The following KSR2 variants were observed in gnomAD, a reference collection of about 807,000 sequenced individuals.
The protein encoded by KSR2 is kinase suppressor of ras 2.
KSR2 carries 25 observed loss-of-function variants against 107.8 expected under a neutral mutation model. That is an observed-to-expected ratio of 0.23 (90% confidence interval 0.17 to 0.32). The LOEUF (loss-of-function observed/expected upper bound fraction) is 0.32. Ranked by LOEUF, KSR2 falls within the 10% of genes least tolerant of loss-of-function variation. The probability of loss-of-function intolerance (pLI) is 1.00; values close to 1 mark genes in which losing one functional copy is unlikely to be tolerated. For synonymous variants in KSR2, 480 were observed against 507.0 expected, an observed-to-expected ratio of 0.95 and a Z score of 0.71; for missense variants, 887 against 1,268.9, an observed-to-expected ratio of 0.70 and a Z score of 4.57.
At chr12:117,692,531 CACAT>C (rs2136578586) in intron 4 of KSR2, among the ~76,000 whole-genome samples, 1 of 137,194 alleles carries the variant, frequency 7.3e-6, no homozygotes, top group East Asian at 2.2e-4. Context: ...TATACACACA[CACAT>C]ATATATACAC....
intron 6 of KSR2, among the ~76,000 whole-genome samples, chr12:117,581,876 G>C (rs916282579): frequency 2.2e-5 from 3 of 136,880 alleles, no homozygotes; most frequent in Non-Finnish European, 4.8e-5. Flanking sequence ...TGTTTATTAA[G>C]TGTTTGTTAT....
intron 1 of KSR2, among the ~76,000 whole-genome samples, chr12:117,948,093 AG>A (rs1317840280): frequency 1.3e-5 from 2 of 152,214 alleles, no homozygotes; most frequent in African/African-American, 4.8e-5. Flanking sequence ...AGAATAATAA[AG>A]GTGGAACTCA....
chr12:117,721,927 G>C (rs1056620289), intron 4 of KSR2, among the ~76,000 whole-genome samples: 4 of 152,124 alleles, frequency 2.6e-5, no homozygotes, highest in African/African-American at 9.7e-5. Flanking sequence ...TATGATAATG[G>C]AAATGTTTTA....
chr12:117,508,079 A>C (rs999048053), intron 14 of KSR2, among the ~76,000 whole-genome samples: 1 of 152,180 alleles, frequency 6.6e-6, no homozygotes, highest in African/African-American at 2.4e-5. Context: ...CTGCAGGAAA[A>C]GACAATTCTG....
intron 7 of KSR2, among the ~76,000 whole-genome samples, chr12:117,567,281 G>A (rs1330868355): frequency 1.3e-5 from 2 of 152,158 alleles, no homozygotes; most frequent in Non-Finnish European, 2.9e-5. Context: ...CAGCAGAGGT[G>A]TGCAAGAAAG....
At chr12:117,940,922 C>T (rs1895986609) in intron 1 of KSR2, among the ~76,000 whole-genome samples, 1 of 151,862 alleles carries the variant, frequency 6.6e-6, no homozygotes, top group Non-Finnish European at 1.5e-5. Flanking sequence ...CCCATCTCTA[C>T]TAAAAATACA....
In KSR2 at chr12:117,579,109, A is replaced by G; in HGVS notation, c.1325+10T>C. The G allele has an allele frequency of 6.2e-7, 1 of 1,608,972 alleles. No homozygotes were observed. Among genetic ancestry groups the G allele is most frequent in the Non-Finnish European group, 8.5e-7 (1 of 1,176,314 alleles). On this transcript the variant is annotated intron_variant, in intron 7 of 19. Transcript: ENST00000339824. ...GCTGCGAAAAGTCACTGCAGGGCAC[A>G]GTCACTTACTTGCAGTTTTTACACT...
intron 12 of KSR2, 105 bp from the exon 13 acceptor site, chr12:117,527,224 A>T: frequency 2.6e-6 from 2 of 779,896 alleles, no homozygotes; most frequent in Non-Finnish European, 4.4e-6. Context: ...CTTTACCACC[A>T]AGTCTTTATC....
At chr12:117,883,250 T>A (rs1432843597) in intron 1 of KSR2, among the ~76,000 whole-genome samples, 1 of 152,236 alleles carries the variant, frequency 6.6e-6, no homozygotes, top group Non-Finnish European at 1.5e-5. Context: ...TGCAGAACTG[T>A]TACATCCAAG....
At chr12:117,729,653 G>T (rs1427537476) in intron 4 of KSR2, among the ~76,000 whole-genome samples, 1 of 152,128 alleles carries the variant, frequency 6.6e-6, no homozygotes, top group Admixed American at 6.6e-5. Context: ...TGGGAAGGCT[G>T]CAAAAACCAT....
intron 5 of KSR2, among the ~76,000 whole-genome samples, chr12:117,619,160 T>C (rs1053999496): frequency 6.6e-6 from 1 of 152,080 alleles, no homozygotes; most frequent in African/African-American, 2.4e-5. Context: ...AATAGCTCTT[T>C]CCTGGCAACA....
At chr12:117,901,066 A>G in intron 1 of KSR2, among the ~76,000 whole-genome samples, 1 of 152,160 alleles carries the variant, frequency 6.6e-6, no homozygotes, top group East Asian at 1.9e-4. Flanking sequence ...GGAAGAGATT[A>G]GCATTGTGAC....
Position 117,667,585 on chromosome 12 carries a change from G to C in KSR2, c.1060C>G (p.Gln354Glu), listed in dbSNP as rs760273535. The change falls in exon 5 of 20, where the codon CAG (glutamine) becomes GAG (glutamate). Residue 354 changes from glutamine (Q) to glutamate (E), a missense_variant. By Grantham distance (29) the Gln-to-Glu change is conservative. Around this residue, in one of 8 missense-constraint regions of KSR2, gnomAD observed 399 missense variants for 479.5 expected, o/e 0.83. Coordinates refer to ENST00000339824, the MANE Select transcript of KSR2 (RefSeq NM_173598.6). The stretch of plus-strand genomic sequence containing the variant: ...TCGGACAGCAGCGGGGAGCGCTGCT[G>C]AGAGGGGATGTTCTCGCAGCTGCCT... Reference protein sequence around the residue: ...SVGSCENIPSQQRSPLLSERS... With the variant: ...SVGSCENIPSEQRSPLLSERS... The C allele has an allele frequency of 2.5e-6, 4 of 1,613,380 alleles. No homozygotes were observed. Among genetic ancestry groups the C allele is most frequent in the Non-Finnish European group, 3.4e-6 (4 of 1,179,684 alleles).
At position 117,453,212 on chromosome 12, in the gene KSR2, T is replaced by C. The variant is rs1365465776; in HGVS notation, c.*13987A>G. 6.6e-6 allele frequency: 1 copy of C among 152,386 alleles called. No individual in the cohort carries two copies. The highest frequency in any genetic ancestry group is 6.5e-5 in the Admixed American group (1 of 15,278). The allele number at this position is 152,386 out of a possible 1,614,324, so 9.4% of individuals were successfully genotyped here. ...CTTTTTTTAGAAGTGTAGAAAACTT[T>C]ATAAATGATTCTGTACAAATATACA... On this transcript the variant is annotated 3_prime_UTR_variant, in exon 20 of 20. Coordinates refer to ENST00000339824, the MANE Select transcript of KSR2 (RefSeq NM_173598.6).
At chr12:117,923,167 T>C (rs568177279) in intron 1 of KSR2, among the ~76,000 whole-genome samples, 22 of 152,298 alleles carry the variant, frequency 1.4e-4, no homozygotes, top group African/African-American at 5.3e-4. Flanking sequence ...AGGAATGAGT[T>C]ATAGTGCTGT....
chr12:117,499,073 G>A (rs570676959), intron 14 of KSR2, among the ~76,000 whole-genome samples: 1 of 152,168 alleles, frequency 6.6e-6, no homozygotes, highest in Non-Finnish European at 1.5e-5. Flanking sequence ...GTACCACAGG[G>A]GCAAAAAGAC....
chr12:117,553,194 A>G (rs971394096), intron 9 of KSR2, among the ~76,000 whole-genome samples: 11 of 152,220 alleles, frequency 7.2e-5, no homozygotes, highest in African/African-American at 2.7e-4. Flanking sequence ...AACTTCACTC[A>G]GCTGCTGAAA....
intron 14 of KSR2, among the ~76,000 whole-genome samples, chr12:117,503,262 G>T (rs1303889671): frequency 6.6e-6 from 1 of 152,190 alleles, no homozygotes; most frequent in African/African-American, 2.4e-5. Context: ...CTATGTCATA[G>T]GTCTGGAAGG....
rs1283306656 is a variant in KSR2 at position 117,667,455 on chromosome 12, GC to G, written c.1171+18del. 1 of 1,603,368 alleles carries G rather than the reference GC, an allele frequency of 6.2e-7. No individual in the cohort carries two copies. The highest frequency in any genetic ancestry group is 8.5e-7 in the Non-Finnish European group (1 of 1,175,544). ...TGGCATGGCAAGCGTTCCCAGTGCA[GC>G]CCGGCAGGGTGACTTACTTGCAGAG... On this transcript the variant is annotated intron_variant, in intron 5 of 19. Transcript: ENST00000339824.
Sources: gnomAD v4.1 joint callset for allele counts (sites outside exome capture counted in the v4.1 genomes callset) on GRCh38, gnomAD v4.1.1 for gene constraint, gnomAD v4.1.1 regional missense constraint, MANE v1.5 for transcripts, NCBI Gene and HGNC (gene_info 2026-07-23, HGNC 2026-07-21) for gene names.